ZNF644: variants seen among roughly 807,000 people sequenced by gnomAD.
ZNF644 encodes zinc finger motif enhancer binding protein 2.
A neutral mutation model predicts 108.0 loss-of-function variants in ZNF644; 20 were observed. The observed-to-expected ratio is 0.19, with a 90% CI of 0.13 to 0.27. The LOEUF is 0.27. Ranked by LOEUF, ZNF644 falls within the 10% of genes least tolerant of loss-of-function variation. The pLI is 1.00. For synonymous variants in ZNF644, 542 were observed against 539.1 expected, an observed-to-expected ratio of 1.01 and a Z score of -0.08; for missense variants, 1,338 against 1,548.9, an observed-to-expected ratio of 0.86 and a Z score of 2.29.
rs374185945 is a variant in ZNF644 at position 90,982,160 on chromosome 1, C to T, written c.44+150G>A. On this transcript the variant is annotated intron_variant, in intron 2 of 5. Coordinates refer to ENST00000337393, the MANE Select transcript of ZNF644 (RefSeq NM_201269.3). Reference sequence around the variant, plus strand: ...TTTTACTCCCATCAAATCAACTGGACCAAGTGTGTCAAAAAGTCAATTATT... The same window carrying T: ...TTTTACTCCCATCAAATCAACTGGATCAAGTGTGTCAAAAAGTCAATTATT... 12 of 625,130 alleles carry T rather than the reference C, an allele frequency of 1.9e-5. 1 individual carries two copies. Among genetic ancestry groups the T allele is most frequent in the African/African-American group, 1.3e-4 (7 of 54,744 alleles). 38.7% of individuals were successfully genotyped at this position (625,130 alleles called of 1,614,324 possible).
intron 1 of ZNF644, chr1:91,020,318 T>C (rs1660792213): frequency 6.6e-6 from 1 of 152,182 alleles, no homozygotes; most frequent in Non-Finnish European, 1.5e-5. Context: ...ATCTACACAG[T>C]GATCTAATGT....
intron 4 of ZNF644, among the ~76,000 whole-genome samples, chr1:90,921,311 CAG>C (rs1649407429): frequency 6.6e-6 from 1 of 152,002 alleles, no homozygotes; most frequent in African/African-American, 2.4e-5. Context: ...AAAGCTTTAA[CAG>C]AGTTGTTTAT....
At chr1:90,992,634 A>C (rs1657755717) in intron 1 of ZNF644, among the ~76,000 whole-genome samples, 1 of 152,252 alleles carries the variant, frequency 6.6e-6, no homozygotes, top group South Asian at 2.1e-4. Context: ...TTCAGAATTA[A>C]ACATTGAAAA....
intron 1 of ZNF644, among the ~76,000 whole-genome samples, chr1:91,001,579 A>T (rs1453259942): frequency 1.3e-5 from 2 of 152,214 alleles, no homozygotes; most frequent in African/African-American, 2.4e-5. Context: ...AGCCAATATC[A>T]TACTGAATGG....
rs141889701 is a variant in ZNF644, at chr1:90,934,574, G to A, written c.3688+2911C>T. 5.6e-3 allele frequency among the ~76,000 whole-genome samples: 860 copies of A among 152,222 alleles called. 7 individuals are homozygous for A. Among genetic ancestry groups the A allele is most frequent in the African/African-American group, 0.019 (784 of 41,542 alleles). ...AAGCATTTTGTAGGTTATAAGAAGC[G>A]TATTACATATAAGTAAGCTAATAAA... On this transcript the variant is annotated intron_variant, in intron 4 of 5. Coordinates refer to ENST00000337393, the MANE Select transcript of ZNF644 (RefSeq NM_201269.3).
chr1:90,953,365 C>T (rs1047002317), intron 2 of ZNF644, among the ~76,000 whole-genome samples: 11 of 146,172 alleles, frequency 7.5e-5, no homozygotes, highest in Non-Finnish European at 1.5e-5. Flanking sequence ...GAGAGGGGAA[C>T]ACACTGGGGC....
chr1:90,926,615 C>A (rs1235471165), intron 4 of ZNF644, among the ~76,000 whole-genome samples: 1 of 152,156 alleles, frequency 6.6e-6, no homozygotes, highest in Non-Finnish European at 1.5e-5. Flanking sequence ...ATGAAGCCTG[C>A]CCTTCTACCA....
intron 2 of ZNF644, among the ~76,000 whole-genome samples, chr1:90,960,759 T>C (rs965060556): frequency 4.6e-5 from 7 of 152,086 alleles, no homozygotes; most frequent in African/African-American, 1.4e-4. Context: ...ATCTCCCTCA[T>C]TGCAACAAGT....
intron 2 of ZNF644, among the ~76,000 whole-genome samples, chr1:90,977,500 A>C (rs940922827): frequency 1.3e-5 from 2 of 152,244 alleles, no homozygotes; most frequent in African/African-American, 2.4e-5. Flanking sequence ...AATGAAGGTG[A>C]TATTTCAAAC....
intron 1 of ZNF644, among the ~76,000 whole-genome samples, chr1:91,001,412 T>TA (rs1314417979): frequency 6.6e-6 from 1 of 152,186 alleles, no homozygotes; most frequent in African/African-American, 2.4e-5. Flanking sequence ...ATCCAGCATA[T>TA]AAACAGAACC....
At chr1:90,945,357 T>C (rs1252121953) in intron 2 of ZNF644, among the ~76,000 whole-genome samples, 3 of 152,098 alleles carry the variant, frequency 2.0e-5, no homozygotes, top group Non-Finnish European at 4.4e-5. Flanking sequence ...GAACTTTAAA[T>C]CTACATAAAA....
intron 1 of ZNF644, among the ~76,000 whole-genome samples, chr1:91,018,267 G>A (rs193132188): frequency 4.5e-4 from 69 of 152,246 alleles, no homozygotes; most frequent in Non-Finnish European, 7.9e-4. Flanking sequence ...TGGTGTAAAC[G>A]GCTTGCACTA....
chr1:91,014,810 A>G (rs141173566), intron 1 of ZNF644, among the ~76,000 whole-genome samples: 5 of 152,334 alleles, frequency 3.3e-5, no homozygotes, highest in African/African-American at 1.2e-4. Flanking sequence ...AAACTTACAA[A>G]TTGTGTAACA....
chr1:90,948,757 T>C (rs189298375), intron 2 of ZNF644, among the ~76,000 whole-genome samples: 3 of 152,334 alleles, frequency 2.0e-5, no homozygotes, highest in Admixed American at 2.0e-4. Flanking sequence ...CTGTATTTCA[T>C]TTTTGGGAAA....
chr1:90,937,604 G>A lies in ZNF644; in HGVS notation c.3569C>T (p.Pro1190Leu), dbSNP rs1336623665. The change falls in exon 4 of 6, where the codon CCT (proline) becomes CTT (leucine). Residue 1190 changes from proline (P) to leucine (L), a missense_variant. By Grantham distance (98) the Pro-to-Leu change is moderately conservative. Around this residue, in one of 6 missense-constraint regions of ZNF644, gnomAD observed 287 missense variants for 310.9 expected, o/e 0.92. Transcript: ENST00000337393. ...TGCTGTCTGATTATGGATCTTTTGAGGAGAAATAGCAGAATTCCTTTCTTC... is the reference window on the plus strand; with the variant it reads ...TGCTGTCTGATTATGGATCTTTTGAAGAGAAATAGCAGAATTCCTTTCTTC... ...MGEERNSAIS[P>L]QKIHNQTARK... 2 of 1,613,732 alleles carry A rather than the reference G, an allele frequency of 1.2e-6. No homozygotes were observed. Among genetic ancestry groups the A allele is most frequent in the Admixed American group, 1.7e-5 (1 of 59,970 alleles).
intron 1 of ZNF644, among the ~76,000 whole-genome samples, chr1:90,986,099 CA>C (rs954911851): frequency 1.2e-4 from 18 of 151,424 alleles, no homozygotes; most frequent in African/African-American, 4.4e-4. Context: ...GGAGGGGGTA[CA>C]AAAAAAGAGG....
chr1:90,934,286 T>C (rs569708340), intron 4 of ZNF644, among the ~76,000 whole-genome samples: 2 of 152,210 alleles, frequency 1.3e-5, no homozygotes, highest in African/African-American at 4.8e-5. Context: ...GACACTAGTA[T>C]AAATATAAGT....
chr1:90,921,232 T>A (rs995954100), intron 4 of ZNF644, among the ~76,000 whole-genome samples: 1 of 152,084 alleles, frequency 6.6e-6, no homozygotes, highest in Non-Finnish European at 1.5e-5. Context: ...CACTAGAACA[T>A]TAAATACAGA....
intron 4 of ZNF644, among the ~76,000 whole-genome samples, chr1:90,926,369 T>C (rs1000665647): frequency 2.6e-5 from 4 of 152,300 alleles, no homozygotes; most frequent in African/African-American, 9.6e-5. Context: ...CTATAATCTG[T>C]TGAATATGTA....
Sources: gnomAD v4.1 joint callset for allele counts (sites outside exome capture counted in the v4.1 genomes callset) on GRCh38, gnomAD v4.1.1 for gene constraint, gnomAD v4.1.1 regional missense constraint, MANE v1.5 for transcripts, NCBI Gene and HGNC (gene_info 2026-07-23, HGNC 2026-07-21) for gene names.